P2RY6: variants seen among roughly 807,000 people sequenced by gnomAD.
P2RY6 encodes pyrimidinergic receptor P2Y6.
A neutral mutation model predicts 16.3 loss-of-function variants in P2RY6; 19 were observed. The observed-to-expected ratio is 1.16, with a 90% CI of 0.81 to 1.71. P2RY6 has a LOEUF of 1.71. P2RY6 is among the 40% of genes most tolerant of loss of function. The probability of loss-of-function intolerance (pLI) is 0.00; values close to 1 mark genes in which losing one functional copy is unlikely to be tolerated. For synonymous variants in P2RY6, 184 were observed against 201.5 expected (o/e 0.91, Z 0.74); for missense variants, 389 against 455.5 (o/e 0.85, Z 1.33).
intron 1 of P2RY6, among the ~76,000 whole-genome samples, chr11:73,282,101 C>G (rs1863787886): frequency 6.6e-6 from 1 of 152,202 alleles, no homozygotes; most frequent in South Asian, 2.1e-4. Flanking sequence ...TGTCTTTCCA[C>G]TACTCTGGCT....
At chr11:73,290,077 C>T (rs1208371313) in intron 1 of P2RY6, among the ~76,000 whole-genome samples, 6 of 151,998 alleles carry the variant, frequency 3.9e-5, no homozygotes. Context: ...CAAAATTAGT[C>T]TGGTGTGGTG....
intron 1 of P2RY6, among the ~76,000 whole-genome samples, chr11:73,292,327 C>T (rs1252168498): frequency 6.6e-6 from 1 of 152,154 alleles, no homozygotes; most frequent in Non-Finnish European, 1.5e-5. Context: ...TAAGTTTGTA[C>T]GTAAGTGGAT....
At chr11:73,269,010 A>G (rs184261511), upstream of P2RY6, among the ~76,000 whole-genome samples, 6 of 152,344 alleles carry the variant, frequency 3.9e-5, no homozygotes, top group African/African-American at 1.2e-4. Flanking sequence ...AGTAGCCAGT[A>G]CTGAACTGTG....
In P2RY6 at chr11:73,296,911, G is replaced by T. The variant is rs761775197; in HGVS notation, c.393G>T (p.Pro131=). ...AGCGCTACCTGGGCATCTGCCACCC[G>T]CTGGCCCCCTGGCACAAACGTGGGG... ...SFQRYLGICH[P]LAPWHKRGGR... The change falls in exon 3 of 3, where the codon CCG becomes CCT. Residue 131 remains proline (P), a synonymous_variant. Coordinates refer to ENST00000540124, the MANE Select transcript of P2RY6 (RefSeq NM_001277204.2). 5.6e-6 allele frequency: 9 copies of T among 1,608,938 alleles called. No individual in the cohort carries two copies. Among genetic ancestry groups the T allele is most frequent in the Non-Finnish European group, 7.6e-6 (9 of 1,180,014 alleles).
chr11:73,293,702 CAG>C (rs1046079176), intron 1 of P2RY6, among the ~76,000 whole-genome samples: 1 of 152,196 alleles, frequency 6.6e-6, no homozygotes, highest in Non-Finnish European at 1.5e-5. Context: ...AAGGTTTTCC[CAG>C]AGAGCTGTGC....
chr11:73,280,599 A>G (rs1478213662), intron 1 of P2RY6, among the ~76,000 whole-genome samples: 1 of 152,194 alleles, frequency 6.6e-6, no homozygotes, highest in African/African-American at 2.4e-5. Context: ...GCTTTGGGTT[A>G]TAGATCTTCA....
chr11:73,272,773 G>A (rs1863369549), intron 1 of P2RY6, among the ~76,000 whole-genome samples: 1 of 152,200 alleles, frequency 6.6e-6, no homozygotes, highest in South Asian at 2.1e-4. Context: ...GAGCCACAAA[G>A]GTCTTGGTTG....
chr11:73,280,036 G>A (rs1193125543), intron 1 of P2RY6, among the ~76,000 whole-genome samples: 1 of 152,188 alleles, frequency 6.6e-6, no homozygotes, highest in African/African-American at 2.4e-5. Flanking sequence ...ATGAGGCCCT[G>A]TGACTGATGG....
intron 2 of P2RY6, 67 bp downstream of exon 2, chr11:73,295,882 C>T (rs969539331): frequency 3.3e-6 from 2 of 605,708 alleles, no homozygotes; most frequent in South Asian, 7.3e-5. Flanking sequence ...AGACCCTGGG[C>T]GAAGATGCAG....
intron 1 of P2RY6, among the ~76,000 whole-genome samples, chr11:73,293,411 G>A (rs1864350504): frequency 6.6e-6 from 1 of 152,196 alleles, no homozygotes; most frequent in East Asian, 1.9e-4. Context: ...ATGCAGAGAA[G>A]GATGTAGTCA....
chr11:73,290,354 A>G (rs12799398), intron 1 of P2RY6, among the ~76,000 whole-genome samples: 217 of 121,892 alleles, frequency 1.8e-3, no homozygotes, highest in African/African-American at 6.5e-3. Context: ...AAAGAAAGAA[A>G]GAAAGAAAGA....
chr11:73,276,495 T>C (rs538296906), intron 1 of P2RY6, among the ~76,000 whole-genome samples: 1 of 152,326 alleles, frequency 6.6e-6, no homozygotes, highest in Admixed American at 6.5e-5. Flanking sequence ...AGATAAACAA[T>C]TATGTGGCTT....
chr11:73,290,311 G>GGAAGGAAAGAAAGAAAGAAAGA (rs1864165141), intron 1 of P2RY6, among the ~76,000 whole-genome samples: 1 of 67,468 alleles, frequency 1.5e-5, no homozygotes, highest in African/African-American at 5.8e-5. Context: ...AGAAAAGAAA[G>GGAAGGAAAGAAAGAAAGAAAGA]AAAGAAAGAA....
intron 1 of P2RY6, 100 bp downstream of exon 1, chr11:73,272,566 C>G (rs1016670016): frequency 9.5e-6 from 9 of 948,288 alleles, no homozygotes; most frequent in Non-Finnish European, 1.1e-5. Flanking sequence ...CGAGGCTCAT[C>G]ACAGGCAAGA....
chr11:73,292,964 TGCGGGGG>T, intron 1 of P2RY6: 2 of 13,232 alleles, frequency 1.5e-4, no homozygotes, highest in Non-Finnish European at 2.1e-4. Context: ...GTGCAGGGGT[TGCGGGGG>T]GTGGGGGGGG....
chr11:73,282,921 T>C (rs1170144143), intron 1 of P2RY6, among the ~76,000 whole-genome samples: 1 of 152,150 alleles, frequency 6.6e-6, no homozygotes, highest in African/African-American at 2.4e-5. Context: ...TCTAGATCCA[T>C]TATTTCATTT....
chr11:73,269,248 T>A (rs1408921188), upstream of P2RY6, among the ~76,000 whole-genome samples: 1 of 152,130 alleles, frequency 6.6e-6, no homozygotes, highest in Non-Finnish European at 1.5e-5. Context: ...GAGGGGTCAG[T>A]GCCCACAGGC....
intron 1 of P2RY6, among the ~76,000 whole-genome samples, chr11:73,294,364 G>A (rs928971537): frequency 6.6e-6 from 1 of 152,196 alleles, no homozygotes; most frequent in Admixed American, 6.5e-5. Flanking sequence ...TAGCTGGCAG[G>A]GAGGACTCCG....
chr11:73,272,366 AG>A lies in P2RY6; in HGVS notation c.-220del, dbSNP rs1397272207. 1 of 985,372 alleles carries A rather than the reference AG, an allele frequency of 1.0e-6. No individual in the cohort carries two copies. Among genetic ancestry groups the A allele is most frequent in the African/African-American group, 1.7e-5 (1 of 57,236 alleles). 61.0% of individuals were successfully genotyped at this position (985,372 alleles called of 1,614,324 possible). On this transcript the variant is annotated 5_prime_UTR_variant, in exon 1 of 3. Coordinates refer to ENST00000540124, the MANE Select transcript of P2RY6 (RefSeq NM_001277204.2). ...CTTCTGCCAGAACATTGCACGCGACAGTTTCAGGCACAGAACTGACTGGCAG... is the reference window on the plus strand; with the variant it reads ...CTTCTGCCAGAACATTGCACGCGACATTTCAGGCACAGAACTGACTGGCAG...
Sources: gnomAD v4.1 joint callset for allele counts (sites outside exome capture counted in the v4.1 genomes callset) on GRCh38, gnomAD v4.1.1 for gene constraint, MANE v1.5 for transcripts, NCBI Gene and HGNC (gene_info 2026-07-23, HGNC 2026-07-21) for gene names.